Variants in DOP1A observed in about 807,000 individuals in gnomAD.
The protein encoded by DOP1A is DOP1 leucine zipper like protein A.
DOP1A carries 90 observed loss-of-function variants against 267.6 expected under a neutral mutation model. The ratio of observed to expected loss-of-function variants is 0.34; its 90% CI spans 0.28 to 0.40. DOP1A has a LOEUF of 0.40. Among genes scored for constraint, DOP1A ranks in the 10% least tolerant of loss-of-function variants. The pLI, the probability that DOP1A is intolerant of heterozygous loss-of-function variation, is 1.00. For synonymous variants in DOP1A, 932 were observed against 999.1 expected (o/e 0.93, Z 1.27); for missense variants, 2,437 against 2,900.4 (o/e 0.84, Z 3.67).
chr6:83,068,296 TA>T (rs1195005073), intron 1 of DOP1A, among the ~76,000 whole-genome samples: 2 of 152,156 alleles, frequency 1.3e-5, no homozygotes, highest in African/African-American at 4.8e-5. Flanking sequence ...TACCGAAGTT[TA>T]TTAAGAGGAA....
At chr6:83,105,186 T>A (rs1023858970) in intron 4 of DOP1A, among the ~76,000 whole-genome samples, 1 of 152,238 alleles carries the variant, frequency 6.6e-6, no homozygotes, top group Non-Finnish European at 1.5e-5. Flanking sequence ...GATTAAGTGT[T>A]CTATTCTCAG....
intron 1 of DOP1A, among the ~76,000 whole-genome samples, chr6:83,096,191 T>C (rs957578972): frequency 6.6e-6 from 1 of 151,938 alleles, no homozygotes. Flanking sequence ...GGACTCAAGC[T>C]ATCCTCTCAC....
At chr6:83,156,187 G>A in intron 34 of DOP1A, 84 bp downstream of exon 34, 4 of 1,109,476 alleles carry the variant, frequency 3.6e-6, no homozygotes, top group Admixed American at 2.7e-5. Context: ...ACTAAGTTGG[G>A]GTAAAATATA....
intron 10 of DOP1A, 118 bp from the exon 11 acceptor site, chr6:83,121,812 G>A: frequency 9.5e-7 from 1 of 1,047,926 alleles, no homozygotes; most frequent in Non-Finnish European, 1.3e-6. Flanking sequence ...AGCTTCTGAA[G>A]AAATACTATT....
Position 83,152,044 on chromosome 6 carries a change from T to C in DOP1A, c.6049+17T>C. On this transcript the variant is annotated intron_variant, in intron 29 of 38. Coordinates refer to ENST00000349129, the MANE Select transcript of DOP1A (RefSeq NM_015018.4). Reference sequence around the variant, plus strand: ...ATGTTGAAGGTATTCTTGTCAAACATTTAGGTTTATTATCTGTAAGCAGGC... The same window carrying C: ...ATGTTGAAGGTATTCTTGTCAAACACTTAGGTTTATTATCTGTAAGCAGGC... 1 of 1,613,536 alleles carries C rather than the reference T, an allele frequency of 6.2e-7. No individual in the cohort carries two copies. Among genetic ancestry groups the C allele is most frequent in the Non-Finnish European group, 8.5e-7 (1 of 1,179,594 alleles).
rs1774285804 is a variant in DOP1A, at chr6:83,110,038, T to C, written c.492-87T>C. The C allele has an allele frequency of 5.1e-6, 7 of 1,382,328 alleles. No homozygotes were observed. The Middle Eastern group carries it at 1.0e-3, about 202-fold the overall frequency. The allele number at this position is 1,382,328 out of a possible 1,614,324, so 85.6% of individuals were successfully genotyped here. On this transcript the variant is annotated intron_variant, in intron 5 of 38. Coordinates refer to ENST00000349129, the MANE Select transcript of DOP1A (RefSeq NM_015018.4). ...AACATATGACTGTAGCATGGGTGTT[T>C]GCATACATTTTTGGAAAAGAATGAT...
intron 11 of DOP1A, 149 bp downstream of exon 11, chr6:83,122,199 A>G (rs1776479549): frequency 1.3e-6 from 1 of 795,902 alleles, no homozygotes; most frequent in East Asian, 2.8e-5. Flanking sequence ...CTGATTTAAT[A>G]CTGACATACT....
At chr6:83,070,086 C>G (rs1020355945) in intron 1 of DOP1A, among the ~76,000 whole-genome samples, 3 of 152,124 alleles carry the variant, frequency 2.0e-5, no homozygotes, top group Non-Finnish European at 4.4e-5. Context: ...TAGTACACCA[C>G]CAGTGTGGAT....
At chr6:83,083,420 TA>T (rs560759261) in intron 1 of DOP1A, among the ~76,000 whole-genome samples, 3,578 of 139,298 alleles carry the variant, frequency 0.026, 97 homozygotes, top group African/African-American at 0.067. Flanking sequence ...ACTTGTGGTT[TA>T]AAAAAAAAAA....
chr6:83,170,264 CTAATATTAGGCTCTTT>C (rs1490070783), downstream of DOP1A: 1 of 1,588,074 alleles, frequency 6.3e-7, no homozygotes, highest in African/African-American at 1.3e-5. Context: ...TGCCCATCAC[CTAATATTAGGCTCTTT>C]TTCAATAGAA....
chr6:83,119,019 G>A, intron 8 of DOP1A, 32 bp downstream of exon 8: 1 of 1,580,194 alleles, frequency 6.3e-7, no homozygotes, highest in Non-Finnish European at 8.7e-7. Context: ...TCATGATTGG[G>A]GAAAAAATGG....
At chr6:83,089,826 A>C (rs1298653211) in intron 1 of DOP1A, among the ~76,000 whole-genome samples, 1 of 152,186 alleles carries the variant, frequency 6.6e-6, no homozygotes, top group Admixed American at 6.5e-5. Context: ...GATGATGGAA[A>C]TGTTCTGTAT....
chr6:83,148,064 T>G (rs535104735), intron 26 of DOP1A, among the ~76,000 whole-genome samples: 111 of 152,280 alleles, frequency 7.3e-4, no homozygotes, highest in African/African-American at 2.5e-3. Context: ...TGCAGTTGTA[T>G]TTTACTTTTG....
chr6:83,138,149 G>A lies in DOP1A; in HGVS notation c.4107G>A (p.Val1369=). The A allele has an allele frequency of 6.2e-7, 1 of 1,613,892 alleles. No homozygotes were observed. The highest frequency in any genetic ancestry group is 1.1e-5 in the South Asian group (1 of 91,078). The change falls in exon 21 of 39, where the codon GTG becomes GTA. Residue 1369 remains valine (V), a synonymous_variant. Coordinates refer to ENST00000349129, the MANE Select transcript of DOP1A (RefSeq NM_015018.4). ...NFNIHPLYQH[V]LLYLQLYDSS... is the part of the protein sequence containing the mutation. ...ACATTCATCCTCTCTATCAACATGT[G>A]CTCCTGTATCTCCAGTTGTATGATT...
chr6:83,120,548 G>A lies in DOP1A; in HGVS notation c.991-135G>A, dbSNP rs144885840. On this transcript the variant is annotated intron_variant, in intron 9 of 38. Transcript: ENST00000349129. ...TAGCAGAGTAAGAAGGCCAAGGTTG[G>A]TGAAAAGGCTTCAGAAAAGCAATAG... 7.4e-4 allele frequency: 417 copies of A among 563,462 alleles called. 1 individual carries two copies. In the East Asian group the frequency reaches 9.6e-3, roughly 13 times the overall value. The allele number at this position is 563,462 out of a possible 1,614,324, so 34.9% of individuals were successfully genotyped here.
intron 14 of DOP1A, 87 bp downstream of exon 14, chr6:83,125,282 G>A (rs917439414): frequency 1.5e-6 from 2 of 1,332,822 alleles, no homozygotes; most frequent in African/African-American, 3.0e-5. Flanking sequence ...ATAAAACTGG[G>A]GTTATTTTAT....
intron 37 of DOP1A, among the ~76,000 whole-genome samples, chr6:83,160,337 G>A (rs1007157973): frequency 1.3e-5 from 2 of 152,362 alleles, no homozygotes; most frequent in Middle Eastern, 3.4e-3. Context: ...TTAACCTGAG[G>A]TGGTGAAGAA....
intron 1 of DOP1A, among the ~76,000 whole-genome samples, chr6:83,087,786 G>A (rs898798823): frequency 5.3e-5 from 8 of 152,222 alleles, no homozygotes; most frequent in Non-Finnish European, 1.5e-5. Context: ...AAGAGGTCTT[G>A]TCCTCAGAGA....
intron 18 of DOP1A, 83 bp downstream of exon 18, chr6:83,132,411 G>A: frequency 1.4e-6 from 2 of 1,398,502 alleles, no homozygotes; most frequent in South Asian, 1.8e-5. Flanking sequence ...GAAAACTTTA[G>A]GGAAATTATT....
Sources: gnomAD v4.1 joint callset for allele counts (sites outside exome capture counted in the v4.1 genomes callset) on GRCh38, gnomAD v4.1.1 for gene constraint, MANE v1.5 for transcripts, NCBI Gene and HGNC (gene_info 2026-07-23, HGNC 2026-07-21) for gene names.